The following TEX22 variants were observed in gnomAD, a reference collection of about 807,000 sequenced individuals.
TEX22 encodes testis-expressed protein 22.
Under a neutral mutation model 11.3 loss-of-function variants are expected in TEX22, and 16 were observed. That is an observed-to-expected ratio of 1.42 (90% CI 0.96 to 2.15). The LOEUF (loss-of-function observed/expected upper bound fraction) is 2.15. TEX22 is among the 30% of genes most tolerant of loss of function. The probability of loss-of-function intolerance (pLI) is 0.00; values close to 1 mark genes in which losing one functional copy is unlikely to be tolerated. For synonymous variants in TEX22, 97 were observed against 92.3 expected (o/e 1.05, Z -0.29); for missense variants, 220 against 208.6 (o/e 1.05, Z -0.34).
chr14:105,402,335 TAAAAG>T (rs782080334), intron 2 of TEX22, among the ~76,000 whole-genome samples: 3 of 152,122 alleles, frequency 2.0e-5, no homozygotes, highest in Non-Finnish European at 2.9e-5. Flanking sequence ...TGAGTACAGA[TAAAAG>T]AGGGAGTTTG....
intron 2 of TEX22, among the ~76,000 whole-genome samples, chr14:105,402,011 C>G (rs2081629732): frequency 6.6e-6 from 1 of 152,228 alleles, no homozygotes; most frequent in Admixed American, 6.5e-5. Flanking sequence ...TGGGATGAAA[C>G]CCCGTCTCTA....
chr14:105,400,651 A>G (rs2081621881), intron 2 of TEX22, among the ~76,000 whole-genome samples: 2 of 152,146 alleles, frequency 1.3e-5, no homozygotes, highest in South Asian at 4.1e-4. Flanking sequence ...TTGTAGTTCC[A>G]AGAGATGGAC....
rs587644121 is a variant in TEX22 at position 105,411,699 on chromosome 14, G to A, written c.319G>A (p.Val107Met). The change falls in exon 4 of 4, where the codon GTG (valine) becomes ATG (methionine). Residue 107 changes from valine (V) to methionine (M), a missense_variant. Transcript: ENST00000451127. ...QMVAQLVSED[V>M]DKDVLLPHPL... is the part of the protein sequence containing the mutation. The stretch of plus-strand genomic sequence containing the variant: ...GGTAGCCCAGCTGGTGTCGGAGGAC[G>A]TGGACAAGGACGTGCTCCTTCCCCA... The A allele has an allele frequency of 4.6e-6, 7 of 1,531,416 alleles. No homozygotes were observed. In the Admixed American group the frequency reaches 1.2e-4, roughly 26 times the overall value. 94.9% of individuals were successfully genotyped at this position (1,531,416 alleles called of 1,614,324 possible). A position where few individuals can be genotyped will look rare whatever the true frequency, so the allele number is the denominator to read the frequency against.
rs587732044 is a variant in TEX22, at chr14:105,407,031, C to T, written c.151-4337C>T. ...ACGTTTTGGTGTGTCCTGATTTCAT[C>T]GTTCGTTTCTCAGCCACCATGTCTG... is the stretch of plus-strand genomic sequence containing the variant. On this transcript the variant is annotated intron_variant, in intron 2 of 3. Transcript: ENST00000451127. 4.6e-5 allele frequency among the ~76,000 whole-genome samples: 7 copies of T among 151,404 alleles called. No homozygotes were observed. The East Asian group carries it at 1.4e-3, about 29-fold the overall frequency.
rs587727999 is a variant in TEX22 at position 105,401,717 on chromosome 14, G to A, written c.150+2227G>A. Reference sequence around the variant, plus strand: ...CTGCATGTTGTGCACATGTACCCTAGAACTTAAAAGTATAATTTAAAAAAA... The same window carrying A: ...CTGCATGTTGTGCACATGTACCCTAAAACTTAAAAGTATAATTTAAAAAAA... On this transcript the variant is annotated intron_variant, in intron 2 of 3. Transcript: ENST00000451127. Among the ~76,000 whole-genome samples the A allele has an allele frequency of 3.9e-5, 6 of 152,152 alleles. No individual in the cohort carries two copies. In the South Asian group the frequency reaches 1.2e-3, roughly 32 times the overall value.
intron 2 of TEX22, among the ~76,000 whole-genome samples, chr14:105,400,945 A>C (rs1555418281): frequency 6.6e-6 from 1 of 152,208 alleles, no homozygotes; most frequent in African/African-American, 2.4e-5. Flanking sequence ...TCTGATATGG[A>C]CCTGGTATCA....
chr14:105,398,894 C>T (rs1271312367), intron 1 of TEX22, among the ~76,000 whole-genome samples: 1 of 152,222 alleles, frequency 6.6e-6, no homozygotes, highest in African/African-American at 2.4e-5. Context: ...GGGTCGGAAG[C>T]GGGGCTGTGG....
chr14:105,401,464 C>T (rs1181740857), intron 2 of TEX22, among the ~76,000 whole-genome samples: 1 of 151,548 alleles, frequency 6.6e-6, no homozygotes, highest in Non-Finnish European at 1.5e-5. Flanking sequence ...CCATCATTCT[C>T]AGCAAACTAT....
intron 2 of TEX22, among the ~76,000 whole-genome samples, chr14:105,410,316 A>T (rs1269744961): frequency 6.6e-6 from 1 of 152,178 alleles, no homozygotes; most frequent in Non-Finnish European, 1.5e-5. Flanking sequence ...ACCTCAGGTG[A>T]TCTACTCGCC....
In TEX22 at chr14:105,411,721, C is replaced by G; in HGVS notation, c.341C>G (p.Pro114Arg). 1 of 1,526,218 alleles carries G rather than the reference C, an allele frequency of 6.6e-7. No individual in the cohort carries two copies. Among genetic ancestry groups the G allele is most frequent in the Non-Finnish European group, 8.8e-7 (1 of 1,141,764 alleles). The allele number at this position is 1,526,218 out of a possible 1,614,324, so 94.5% of individuals were successfully genotyped here. The change falls in exon 4 of 4, where the codon CCC (proline) becomes CGC (arginine). Residue 114 changes from proline to arginine, a missense_variant. Transcript: ENST00000451127. ...SEDVDKDVLL[P>R]HPLRSTESTN... ...GACGTGGACAAGGACGTGCTCCTTC[C>G]CCACCCGCTGAGGTCCACCGAGTCC...
chr14:105,409,501 CTTTTT>C (rs1232769820), intron 2 of TEX22, among the ~76,000 whole-genome samples: 1 of 132,598 alleles, frequency 7.5e-6, no homozygotes. Flanking sequence ...TCTTCTTCTT[CTTTTT>C]TTTTTTTTTT....
At chr14:105,402,625 G>T (rs985785967) in intron 2 of TEX22, among the ~76,000 whole-genome samples, 2 of 151,802 alleles carry the variant, frequency 1.3e-5, no homozygotes, top group African/African-American at 4.8e-5. Context: ...GCGTGGTGGC[G>T]GGCGCCTGTA....
intron 2 of TEX22, among the ~76,000 whole-genome samples, chr14:105,402,527 G>A (rs1388933002): frequency 6.6e-6 from 1 of 151,916 alleles, no homozygotes; most frequent in Non-Finnish European, 1.5e-5. Flanking sequence ...GGCTGGGGCG[G>A]GCAGATCACA....
intron 2 of TEX22, among the ~76,000 whole-genome samples, chr14:105,400,670 A>G (rs782792098): frequency 2.6e-5 from 4 of 152,128 alleles, no homozygotes; most frequent in Non-Finnish European, 4.4e-5. Flanking sequence ...ACTGGTGGCT[A>G]TGGGTAATGG....
chr14:105,402,519 C>CCAAG (rs1456397006), intron 2 of TEX22, among the ~76,000 whole-genome samples: 1 of 152,000 alleles, frequency 6.6e-6, no homozygotes, highest in Non-Finnish European at 1.5e-5. Context: ...CTTTGGGAGG[C>CCAAG]TGGGGCGGGC....
intron 2 of TEX22, 95 bp from the exon 3 acceptor site, chr14:105,411,273 C>A: frequency 1.7e-6 from 2 of 1,195,728 alleles, no homozygotes; most frequent in South Asian, 2.9e-5. Flanking sequence ...AGAAAGCGCC[C>A]GGGGGCGAGC....
At position 105,408,596 on chromosome 14, in the gene TEX22, G is replaced by A. The variant is rs368055565; in HGVS notation, c.151-2772G>A. The stretch of plus-strand genomic sequence containing the variant: ...GTGCCACCATGCTGGGCTAATTTTT[G>A]TATTTTTAGTAGAAACAGGGTTTCG... On this transcript the variant is annotated intron_variant, in intron 2 of 3. Coordinates refer to ENST00000451127, the MANE Select transcript of TEX22 (RefSeq NM_001195082.2). Among the ~76,000 whole-genome samples the A allele has an allele frequency of 9.3e-4, 142 of 152,234 alleles. 5 individuals are homozygous for A. The South Asian group carries it at 0.029, about 31-fold the overall frequency.
intron 2 of TEX22, among the ~76,000 whole-genome samples, chr14:105,407,835 TG>T (rs1289059197): frequency 6.7e-6 from 1 of 148,840 alleles, no homozygotes; most frequent in Non-Finnish European, 1.5e-5. Context: ...CCCTGTGTTA[TG>T]GGGGTCTGTC....
Position 105,399,425 on chromosome 14 carries a change from A to T in TEX22, c.85A>T (p.Ile29Leu), listed in dbSNP as rs1555418133. The T allele has an allele frequency of 2.0e-6, 3 of 1,535,830 alleles. No homozygotes were observed. Among genetic ancestry groups the T allele is most frequent in the Non-Finnish European group, 2.6e-6 (3 of 1,146,780 alleles). ...GCACAGGCGGCCCCCACTGGGCCTG[A>T]TAGCAGCCTGGGGCCAGCCCAGTAT... Reference protein sequence around the residue: ...QEHRRPPLGLIAAWGQPSIQS... With the variant: ...QEHRRPPLGLLAAWGQPSIQS... Residue 29 changes from isoleucine (I) to leucine (L), a missense_variant, in exon 2 of 4, where the codon ATA (isoleucine) becomes TTA (leucine). Transcript: ENST00000451127.
Sources: allele counts gnomAD v4.1 joint callset (sites outside exome capture counted in the v4.1 genomes callset), GRCh38; gene constraint gnomAD v4.1.1; transcripts MANE v1.5; gene names NCBI Gene and HGNC (gene_info 2026-07-23, HGNC 2026-07-21).